CSMD1: variants seen among roughly 807,000 people sequenced by gnomAD.
CSMD1 encodes CUB and Sushi multiple domains 1, also known as CUB and sushi domain-containing protein 1.
CSMD1 carries 213 observed loss-of-function variants against 417.5 expected under a neutral mutation model. That is an observed-to-expected ratio of 0.51 (90% CI 0.46 to 0.57). The LOEUF (loss-of-function observed/expected upper bound fraction) is 0.57. CSMD1 is among the 20% of genes least tolerant of loss of function. CSMD1 has a pLI of 0.00. For synonymous variants in CSMD1, 2,862 were observed against 1,736.8 expected (o/e 1.65, Z -16.11); for missense variants, 6,923 against 4,529.7 (o/e 1.53, Z -15.17).
chr8:4,661,984 A>T, intron 1 of CSMD1, among the ~76,000 whole-genome samples: 1 of 152,172 alleles, frequency 6.6e-6, no homozygotes, highest in East Asian at 1.9e-4. Context: ...ATTCAATATA[A>T]TTTTGCTCTA....
chr8:4,356,745 C>T lies in CSMD1; in HGVS notation c.415+63208G>A, dbSNP rs778566878. Among the ~76,000 whole-genome samples, 8 of 152,052 alleles carry T rather than the reference C, an allele frequency of 5.3e-5. No individual in the cohort carries two copies. The South Asian group carries it at 1.0e-3, about 20-fold the overall frequency. ...AGAGGTACAGTGAGGGCACCTTCTC[C>T]GGCCGTGAATGACTGGAACCGAGTT... On this transcript the variant is annotated intron_variant, in intron 3 of 69. Transcript: ENST00000635120.
chr8:3,567,540 G>C (rs999323533), intron 10 of CSMD1, among the ~76,000 whole-genome samples: 1 of 150,586 alleles, frequency 6.6e-6, no homozygotes, highest in East Asian at 1.9e-4. Flanking sequence ...GGAGGGGAAA[G>C]AGAAAGGGAA....
chr8:3,921,390 A>T (rs1430799238), intron 5 of CSMD1, among the ~76,000 whole-genome samples: 1 of 152,052 alleles, frequency 6.6e-6, no homozygotes, highest in Non-Finnish European at 1.5e-5. Context: ...TCTAGCCTCT[A>T]TTTAATTTAT....
chr8:3,086,242 G>C (rs558208027), intron 49 of CSMD1, among the ~76,000 whole-genome samples: 1 of 152,162 alleles, frequency 6.6e-6, no homozygotes, highest in African/African-American at 2.4e-5. Flanking sequence ...AGCTGCTTGA[G>C]TCTATCTCTA....
intron 10 of CSMD1, among the ~76,000 whole-genome samples, chr8:3,539,542 G>T (rs746681870): frequency 6.6e-6 from 1 of 151,980 alleles, no homozygotes; most frequent in East Asian, 1.9e-4. Flanking sequence ...CATTTTAAAC[G>T]TGCAAGGAAA....
chr8:4,812,041 C>G (rs1229452655), intron 1 of CSMD1, among the ~76,000 whole-genome samples: 3 of 152,140 alleles, frequency 2.0e-5, no homozygotes, highest in African/African-American at 7.2e-5. Context: ...CAAGAAAAGA[C>G]AAGGTCCTGT....
chr8:3,476,503 A>C (rs567461079), intron 11 of CSMD1, among the ~76,000 whole-genome samples: 2 of 152,296 alleles, frequency 1.3e-5, no homozygotes, highest in Admixed American at 1.3e-4. Context: ...TATCATATGA[A>C]ACTACCAACC....
intron 1 of CSMD1, among the ~76,000 whole-genome samples, chr8:4,701,875 T>C (rs1017690928): frequency 2.0e-5 from 3 of 152,160 alleles, no homozygotes; most frequent in African/African-American, 4.8e-5. Context: ...GCATCAATGA[T>C]AGACTGGATA....
intron 30 of CSMD1, among the ~76,000 whole-genome samples, chr8:3,212,355 C>CA (rs1307464322): frequency 6.6e-6 from 1 of 152,006 alleles, no homozygotes; most frequent in Admixed American, 6.5e-5. Context: ...TTTTAAAACA[C>CA]AAAAAATAAC....
intron 12 of CSMD1, among the ~76,000 whole-genome samples, chr8:3,435,897 G>C (rs538426946): frequency 1.2e-4 from 19 of 152,308 alleles, no homozygotes; most frequent in African/African-American, 4.6e-4. Flanking sequence ...TCTTCCCCTT[G>C]GATGAGTCTT....
rs564676683 is a variant in CSMD1 at position 4,912,010 on chromosome 8, T to C, written c.85+82322A>G. On this transcript the variant is annotated intron_variant, in intron 1 of 69. Coordinates refer to ENST00000635120, the MANE Select transcript of CSMD1 (RefSeq NM_033225.6). ...AAGAAGTACGTACTCTTTTGGTCTTTCTTCTGTAACCTTTATTAAAGGAAA... is the reference window on the plus strand; with the variant it reads ...AAGAAGTACGTACTCTTTTGGTCTTCCTTCTGTAACCTTTATTAAAGGAAA... Among the ~76,000 whole-genome samples the C allele has an allele frequency of 2.0e-3, 301 of 151,766 alleles. 1 individual carries two copies. Among genetic ancestry groups the C allele is most frequent in the South Asian group, 3.6e-3 (17 of 4,778 alleles).
intron 5 of CSMD1, among the ~76,000 whole-genome samples, chr8:3,946,007 A>C (rs753024510): frequency 2.0e-5 from 3 of 152,134 alleles, no homozygotes; most frequent in Non-Finnish European, 4.4e-5. Flanking sequence ...CTTTACTTAA[A>C]TTTTGCTCAT....
intron 6 of CSMD1, among the ~76,000 whole-genome samples, chr8:3,725,023 G>T (rs1184242673): frequency 6.6e-6 from 1 of 152,144 alleles, no homozygotes; most frequent in Non-Finnish European, 1.5e-5. Flanking sequence ...CGTTATTCTG[G>T]GAAGAGGCCC....
intron 3 of CSMD1, among the ~76,000 whole-genome samples, chr8:4,109,638 T>C (rs535497685): frequency 2.0e-4 from 30 of 152,328 alleles, no homozygotes; most frequent in Admixed American, 5.2e-4. Flanking sequence ...GACAACATCA[T>C]TGGCAACCTT....
chr8:4,341,382 T>C (rs571397997), intron 3 of CSMD1, among the ~76,000 whole-genome samples: 40 of 152,252 alleles, frequency 2.6e-4, no homozygotes, highest in African/African-American at 9.4e-4. Flanking sequence ...GGAAATAATT[T>C]AGTACTGAAG....
At chr8:4,915,861 G>A (rs958041358) in intron 1 of CSMD1, among the ~76,000 whole-genome samples, 2 of 152,206 alleles carry the variant, frequency 1.3e-5, no homozygotes, top group Non-Finnish European at 2.9e-5. Context: ...CTATTTCAAA[G>A]TTGCTTAGAT....
chr8:4,185,529 T>C (rs1397056490), intron 3 of CSMD1, among the ~76,000 whole-genome samples: 1 of 152,088 alleles, frequency 6.6e-6, no homozygotes, highest in African/African-American at 2.4e-5. Context: ...CAAGTGGGCA[T>C]AAAGAGAAAC....
intron 6 of CSMD1, among the ~76,000 whole-genome samples, chr8:3,745,280 T>A (rs921842768): frequency 6.6e-6 from 1 of 152,162 alleles, no homozygotes; most frequent in Admixed American, 6.6e-5. Flanking sequence ...TATGCCACCT[T>A]CACAACAGGA....
intron 5 of CSMD1, among the ~76,000 whole-genome samples, chr8:3,874,499 G>T (rs2975356): frequency 0.2 from 30,812 of 152,072 alleles, 4,834 homozygotes; most frequent in African/African-American, 0.44. Context: ...TTATGACGTT[G>T]CATTGAAACA....
Sources: allele counts gnomAD v4.1 joint callset (sites outside exome capture counted in the v4.1 genomes callset), GRCh38; gene constraint gnomAD v4.1.1; transcripts MANE v1.5; gene names NCBI Gene and HGNC (gene_info 2026-07-23, HGNC 2026-07-21).